Variants in PLEKHG1 observed in about 807,000 individuals in gnomAD.
The protein encoded by PLEKHG1 is pleckstrin homology domain-containing family G member 1.
In PLEKHG1, 44 loss-of-function variants were observed where a neutral mutation model predicts 100.8. The ratio of observed to expected loss-of-function variants is 0.44; its 90% confidence interval spans 0.34 to 0.56. The LOEUF is 0.56. Ranked by LOEUF, PLEKHG1 falls within the 20% of genes least tolerant of loss-of-function variation. The pLI, the probability that PLEKHG1 is intolerant of heterozygous loss-of-function variation, is 0.01. For missense variants in PLEKHG1, 1,545 were observed against 1,720.9 expected (o/e 0.90, Z 1.81); for synonymous variants, 640 against 662.5 (o/e 0.97, Z 0.52).
chr6:150,657,812 C>T (rs759122698), intron 3 of PLEKHG1, among the ~76,000 whole-genome samples: 72 of 152,326 alleles, frequency 4.7e-4, no homozygotes, highest in Non-Finnish European at 8.1e-4. Flanking sequence ...GAGGCTTGCT[C>T]AGGGACCATC....
At chr6:150,681,496 C>G (rs1366251069) in intron 3 of PLEKHG1, among the ~76,000 whole-genome samples, 1 of 140,646 alleles carries the variant, frequency 7.1e-6, no homozygotes, top group Admixed American at 7.4e-5. Flanking sequence ...GAGCGTGACT[C>G]TGTCTCAAAA....
chr6:150,808,767 A>T (rs1161248460), intron 7 of PLEKHG1, among the ~76,000 whole-genome samples: 2 of 152,030 alleles, frequency 1.3e-5, no homozygotes, highest in African/African-American at 4.8e-5. Flanking sequence ...AACAAAACAA[A>T]ACAAAGAAAA....
chr6:150,744,229 C>G (rs540882992), intron 2 of PLEKHG1, among the ~76,000 whole-genome samples: 2 of 152,088 alleles, frequency 1.3e-5, no homozygotes, highest in East Asian at 3.9e-4. Flanking sequence ...TGCATGCCAC[C>G]GTGTTCAGCT....
intron 4 of PLEKHG1, among the ~76,000 whole-genome samples, chr6:150,787,560 TTTAATAAAAG>T (rs1785699495): frequency 6.6e-6 from 1 of 152,136 alleles, no homozygotes; most frequent in Non-Finnish European, 1.5e-5. Flanking sequence ...TGCACGAAGG[TTTAATAAAAG>T]TTCATGATGG....
chr6:150,739,685 CAAAAA>C (rs760527682), intron 2 of PLEKHG1, among the ~76,000 whole-genome samples: 1 of 150,514 alleles, frequency 6.6e-6, no homozygotes, highest in African/African-American at 2.4e-5. Flanking sequence ...AACAAAAAAA[CAAAAA>C]AAACCATAAG....
intron 2 of PLEKHG1, among the ~76,000 whole-genome samples, chr6:150,646,899 A>C (rs1778526163): frequency 6.6e-6 from 1 of 152,148 alleles, no homozygotes; most frequent in Non-Finnish European, 1.5e-5. Flanking sequence ...ACATTGGTAG[A>C]TTTACCCTTT....
intron 3 of PLEKHG1, among the ~76,000 whole-genome samples, chr6:150,679,237 T>G (rs1267373404): frequency 2.0e-5 from 3 of 152,216 alleles, no homozygotes; most frequent in Non-Finnish European, 4.4e-5. Context: ...TTCTTAATAA[T>G]AGCTTTTAAT....
At chr6:150,811,228 G>C (rs1050273307) in intron 10 of PLEKHG1, among the ~76,000 whole-genome samples, 1 of 151,708 alleles carries the variant, frequency 6.6e-6, no homozygotes, top group Non-Finnish European at 1.5e-5. Context: ...TGAGTGGAGA[G>C]AGGAAGGAAA....
At chr6:150,607,675 G>A (rs150244880) in intron 1 of PLEKHG1, among the ~76,000 whole-genome samples, 12 of 152,284 alleles carry the variant, frequency 7.9e-5, no homozygotes, top group Non-Finnish European at 1.5e-4. Context: ...AGGAGATGCA[G>A]CCTTTAGAGG....
intron 3 of PLEKHG1, among the ~76,000 whole-genome samples, chr6:150,695,187 A>G (rs1401287337): frequency 6.6e-6 from 1 of 152,208 alleles, no homozygotes; most frequent in Non-Finnish European, 1.5e-5. Context: ...TATTTGTCCT[A>G]CTTAAACCTA....
chr6:150,638,677 G>C (rs1198577880), intron 2 of PLEKHG1, among the ~76,000 whole-genome samples: 3 of 152,140 alleles, frequency 2.0e-5, no homozygotes, highest in Non-Finnish European at 4.4e-5. Context: ...GCTGTTCAGT[G>C]GTGGGGAGCT....
At chr6:150,740,122 C>T (rs1385926271) in intron 2 of PLEKHG1, among the ~76,000 whole-genome samples, 1 of 152,262 alleles carries the variant, frequency 6.6e-6, no homozygotes, top group African/African-American at 2.4e-5. Flanking sequence ...AGCACATACT[C>T]TGCCTGGACA....
chr6:150,841,300 TA>T, exon 16 of PLEKHG1: 1 of 278,278 alleles, frequency 3.6e-6, no homozygotes, highest in African/African-American at 2.2e-5. Context: ...TTTCACATTT[TA>T]AAAGGCAACG....
At chr6:150,721,478 C>T (rs188456650) in intron 1 of PLEKHG1, among the ~76,000 whole-genome samples, 22 of 152,226 alleles carry the variant, frequency 1.4e-4, no homozygotes, top group African/African-American at 4.6e-4. Context: ...TTGCTCTTTC[C>T]TTAAAGTGAG....
chr6:150,732,079 A>T (rs1180065688), intron 1 of PLEKHG1, among the ~76,000 whole-genome samples: 5 of 150,538 alleles, frequency 3.3e-5, no homozygotes, highest in Non-Finnish European at 7.4e-5. Flanking sequence ...CTCCTGCCTC[A>T]GCCTCCCGAG....
At chr6:150,698,177 T>A (rs1552888) in intron 3 of PLEKHG1, among the ~76,000 whole-genome samples, 126,689 of 152,196 alleles carry the variant, frequency 0.83, 52,905 homozygotes, top group East Asian at 0.87. Context: ...TATACCTCAT[T>A]CATGTAGCCT....
chr6:150,805,388 T>A (rs1408430944), intron 7 of PLEKHG1, among the ~76,000 whole-genome samples: 1 of 152,226 alleles, frequency 6.6e-6, no homozygotes, highest in Non-Finnish European at 1.5e-5. Flanking sequence ...AAGCCTTTAT[T>A]CCTCTGCCAC....
At chr6:150,821,932 C>G (rs1776324744) in intron 13 of PLEKHG1, among the ~76,000 whole-genome samples, 1 of 150,420 alleles carries the variant, frequency 6.6e-6, no homozygotes, top group East Asian at 2.0e-4. Flanking sequence ...ACCTCTGCCT[C>G]CCAGGTTCAA....
At chr6:150,717,390 G>A (rs192556610), upstream of PLEKHG1, among the ~76,000 whole-genome samples, 1 of 151,912 alleles carries the variant, frequency 6.6e-6, no homozygotes, top group Admixed American at 6.6e-5. Context: ...TGCTCACTCT[G>A]GTCTCGAACT....
Sources: allele counts gnomAD v4.1 joint callset (sites outside exome capture counted in the v4.1 genomes callset), GRCh38; gene constraint gnomAD v4.1.1; transcripts MANE v1.5; gene names NCBI Gene and HGNC (gene_info 2026-07-23, HGNC 2026-07-21).